SDK1: variants seen among roughly 807,000 people sequenced by gnomAD.
SDK1 encodes protein sidekick-1.
Under a neutral mutation model 245.5 loss-of-function variants are expected in SDK1, and 157 were observed. The observed-to-expected ratio is 0.64, with a 90% CI of 0.56 to 0.73. The LOEUF is 0.73. Ranked by LOEUF, SDK1 falls within the 30% of genes least tolerant of loss-of-function variation. SDK1 has a pLI of 0.00. For synonymous variants in SDK1, 1,647 were observed against 1,278.5 expected (o/e 1.29, Z -6.15); for missense variants, 3,583 against 3,002.3 (o/e 1.19, Z -4.52).
intron 13 of SDK1, among the ~76,000 whole-genome samples, chr7:3,977,744 C>G (rs1783069547): frequency 6.6e-6 from 1 of 152,240 alleles, no homozygotes; most frequent in African/African-American, 2.4e-5. Flanking sequence ...TCATGGCTCC[C>G]TCTCCTCCTG....
intron 4 of SDK1, among the ~76,000 whole-genome samples, chr7:3,718,980 G>A (rs866147598): frequency 4.6e-5 from 7 of 152,174 alleles, no homozygotes; most frequent in Admixed American, 1.3e-4. Flanking sequence ...ATAATAACGC[G>A]TGGAAACCAA....
intron 4 of SDK1, among the ~76,000 whole-genome samples, chr7:3,644,191 C>T (rs986556709): frequency 3.3e-4 from 49 of 150,654 alleles, no homozygotes; most frequent in African/African-American, 1.1e-3. Flanking sequence ...CATGAGCCAC[C>T]ACTTAAGCTT....
intron 19 of SDK1, among the ~76,000 whole-genome samples, chr7:4,057,993 A>T (rs190066095): frequency 6.6e-6 from 1 of 152,206 alleles, no homozygotes; most frequent in Admixed American, 6.5e-5. Flanking sequence ...CACAAGAAAT[A>T]TGAAAATGCA....
intron 4 of SDK1, among the ~76,000 whole-genome samples, chr7:3,769,405 C>G (rs1007376397): frequency 6.6e-6 from 1 of 152,072 alleles, no homozygotes; most frequent in African/African-American, 2.4e-5. Flanking sequence ...TCTCTTCTTA[C>G]AAAGCCACAA....
intron 4 of SDK1, among the ~76,000 whole-genome samples, chr7:3,674,463 A>C (rs1254460334): frequency 2.0e-5 from 3 of 152,090 alleles, no homozygotes; most frequent in African/African-American, 7.2e-5. Context: ...GGGTGACAAT[A>C]CAGGGGCCTT....
chr7:4,104,799 C>A (rs1019379497), intron 22 of SDK1, among the ~76,000 whole-genome samples: 1 of 151,874 alleles, frequency 6.6e-6, no homozygotes, highest in Admixed American at 6.6e-5. Context: ...ACATCCTGGG[C>A]GCTAATGATC....
intron 40 of SDK1, 38 bp downstream of exon 40, chr7:4,221,402 G>A (rs1269338280): frequency 6.4e-7 from 1 of 1,568,990 alleles, no homozygotes; most frequent in Non-Finnish European, 8.6e-7. Flanking sequence ...TCTCAGCCCA[G>A]CGGACGGCAG....
chr7:3,955,156 T>A (rs1307641282), intron 7 of SDK1, among the ~76,000 whole-genome samples: 1 of 152,192 alleles, frequency 6.6e-6, no homozygotes, highest in Non-Finnish European at 1.5e-5. Flanking sequence ...GAGTTTTCAC[T>A]GGGATGGACT....
In SDK1 at chr7:3,440,588, A is replaced by G. The variant is rs143682582; in HGVS notation, c.298+138704A>G. The stretch of plus-strand genomic sequence containing the variant: ...ACCCTTATTTTAATTAATAATGACC[A>G]CAAAGTATAGGAGTAGTGTTGTTGG... On this transcript the variant is annotated intron_variant, in intron 1 of 44. Transcript: ENST00000404826. 2.4e-3 allele frequency among the ~76,000 whole-genome samples: 370 copies of G among 152,286 alleles called. 3 individuals are homozygous for G. Among genetic ancestry groups the G allele is most frequent in the African/African-American group, 8.5e-3 (353 of 41,552 alleles).
At chr7:3,760,372 C>G (rs73304297) in intron 4 of SDK1, among the ~76,000 whole-genome samples, 1,555 of 149,120 alleles carry the variant, frequency 0.01, 23 homozygotes, top group African/African-American at 0.036. Context: ...TTACCTGTTT[C>G]TTTCTGAATA....
intron 4 of SDK1, among the ~76,000 whole-genome samples, chr7:3,773,624 G>A (rs1281946872): frequency 3.9e-5 from 6 of 151,956 alleles, no homozygotes; most frequent in Admixed American, 3.9e-4. Flanking sequence ...TTTTGTTGTT[G>A]TTGGAAAGTG....
At chr7:3,366,236 C>T (rs1781087460) in intron 1 of SDK1, among the ~76,000 whole-genome samples, 1 of 152,102 alleles carries the variant, frequency 6.6e-6, no homozygotes, top group Non-Finnish European at 1.5e-5. Flanking sequence ...TCATTCTTCC[C>T]AGTATCACCC....
At chr7:4,172,145 C>T (rs1316573304) in intron 32 of SDK1, among the ~76,000 whole-genome samples, 3 of 152,200 alleles carry the variant, frequency 2.0e-5, no homozygotes, top group Non-Finnish European at 4.4e-5. Flanking sequence ...GATTATATCC[C>T]GTCGTGCTGT....
At chr7:3,872,592 T>C (rs1780984137) in intron 5 of SDK1, among the ~76,000 whole-genome samples, 1 of 151,374 alleles carries the variant, frequency 6.6e-6, no homozygotes, top group Non-Finnish European at 1.5e-5. Flanking sequence ...TTTTTTTTTT[T>C]TTTACATATG....
chr7:3,661,426 C>T (rs1300688823), intron 4 of SDK1, among the ~76,000 whole-genome samples: 1 of 152,126 alleles, frequency 6.6e-6, no homozygotes, highest in Non-Finnish European at 1.5e-5. Context: ...ATCTCTGATC[C>T]TCTGTTGTGA....
chr7:4,168,075 T>C (rs599615), intron 32 of SDK1, among the ~76,000 whole-genome samples: 42,810 of 152,104 alleles, frequency 0.28, 7,874 homozygotes, highest in African/African-American at 0.52. Flanking sequence ...TTCAGAACCC[T>C]GTGCAGGCAG....
chr7:4,102,080 G>C (rs1049778973), intron 22 of SDK1, among the ~76,000 whole-genome samples: 3 of 152,208 alleles, frequency 2.0e-5, no homozygotes, highest in Non-Finnish European at 2.9e-5. Context: ...GGAATCTAGA[G>C]CTGGGCTGAT....
chr7:4,100,980 C>T lies in SDK1; in HGVS notation c.3325-9683C>T, dbSNP rs929979789. ...GCCCCAGGCTGAACCCTGCAGGGTG[C>T]GTGACGGGGGAAGGGAGGCCTATGC... On this transcript the variant is annotated intron_variant, in intron 22 of 44. Coordinates refer to ENST00000404826, the MANE Select transcript of SDK1 (RefSeq NM_152744.4). 9.2e-5 allele frequency among the ~76,000 whole-genome samples: 14 copies of T among 152,272 alleles called. No individual in the cohort carries two copies. In the South Asian group the frequency reaches 1.2e-3, roughly 14 times the overall value.
At chr7:3,605,976 A>C (rs1458301469) in intron 1 of SDK1, among the ~76,000 whole-genome samples, 2 of 152,160 alleles carry the variant, frequency 1.3e-5, no homozygotes, top group Admixed American at 1.3e-4. Context: ...TTACTTTTGA[A>C]AGATATTAAT....
Sources: gnomAD v4.1 joint callset for allele counts (sites outside exome capture counted in the v4.1 genomes callset) on GRCh38, gnomAD v4.1.1 for gene constraint, MANE v1.5 for transcripts, NCBI Gene and HGNC (gene_info 2026-07-23, HGNC 2026-07-21) for gene names.